Variants in CNTLN observed in about 807,000 individuals in gnomAD.
CNTLN encodes the protein centlein.
Under a neutral mutation model 180.0 loss-of-function variants are expected in CNTLN, and 212 were observed. The observed-to-expected ratio is 1.18, with a 90% CI of 1.05 to 1.32. CNTLN has a LOEUF of 1.32. CNTLN is among the 40% of genes most tolerant of loss of function. The pLI is 0.00. For missense variants in CNTLN, 2,095 were observed against 1,610.9 expected, an observed-to-expected ratio of 1.30 and a Z score of -5.14; for synonymous variants, 722 against 563.1, an observed-to-expected ratio of 1.28 and a Z score of -3.99.
At chr9:17,150,153 A>G (rs1336136001) in intron 2 of CNTLN, among the ~76,000 whole-genome samples, 1 of 152,146 alleles carries the variant, frequency 6.6e-6, no homozygotes, top group African/African-American at 2.4e-5. Context: ...TCTTTAGTTT[A>G]ATTAGATCCC....
At chr9:17,253,854 A>T (rs568246939) in intron 5 of CNTLN, among the ~76,000 whole-genome samples, 2 of 150,704 alleles carry the variant, frequency 1.3e-5, no homozygotes, top group East Asian at 3.9e-4. Flanking sequence ...TGTCTAGTTT[A>T]AATTATTATA....
intron 16 of CNTLN, 48 bp from the exon 17 acceptor site, chr9:17,415,740 T>A (rs370257774): frequency 2.0e-4 from 216 of 1,089,794 alleles, no homozygotes; most frequent in Non-Finnish European, 2.9e-4. Context: ...GTTCACTTGA[T>A]GTTGTTATTG....
At chr9:17,199,322 C>A (rs1822361973) in intron 2 of CNTLN, among the ~76,000 whole-genome samples, 1 of 150,948 alleles carries the variant, frequency 6.6e-6, no homozygotes, top group Admixed American at 6.6e-5. Context: ...AGCAATTCTC[C>A]TGCCTCAGCC....
At chr9:17,527,873 G>T in the CNTLN span, among the ~76,000 whole-genome samples, 1 of 151,908 alleles carries the variant, frequency 6.6e-6, no homozygotes, top group Non-Finnish European at 1.5e-5. Flanking sequence ...CATTGATGGG[G>T]GTGTGTCAAA....
chr9:17,527,890 C>T, the CNTLN span, among the ~76,000 whole-genome samples: 5 of 151,922 alleles, frequency 3.3e-5, no homozygotes, highest in Non-Finnish European at 7.4e-5. Flanking sequence ...CAAAGAGATA[C>T]AGGAGCCAGG....
chr9:17,394,414 A>G (rs1826332692), intron 14 of CNTLN, 120 bp from the exon 15 acceptor site: 1 of 814,636 alleles, frequency 1.2e-6, no homozygotes, highest in Non-Finnish European at 1.8e-6. Context: ...GAAATTAAGT[A>G]CTTTATATTT....
chr9:17,269,320 C>T (rs193141440), intron 5 of CNTLN, among the ~76,000 whole-genome samples: 1 of 151,660 alleles, frequency 6.6e-6, no homozygotes, highest in African/African-American at 2.4e-5. Flanking sequence ...TCAATTTGTT[C>T]TTCTTCTAAT....
At chr9:17,506,001 C>T (rs1048563454), downstream of CNTLN, among the ~76,000 whole-genome samples, 46 of 151,590 alleles carry the variant, frequency 3.0e-4, no homozygotes, top group African/African-American at 1.1e-3. Context: ...TGATTTGAGA[C>T]AAAGGTTCAA....
At chr9:17,245,138 C>T (rs1825723940) in intron 5 of CNTLN, among the ~76,000 whole-genome samples, 1 of 151,988 alleles carries the variant, frequency 6.6e-6, no homozygotes, top group African/African-American at 2.4e-5. Context: ...TGCCAGTGAG[C>T]TTTGTTCCTT....
intron 5 of CNTLN, among the ~76,000 whole-genome samples, chr9:17,244,611 T>C (rs375955482): frequency 1.3e-5 from 2 of 152,108 alleles, no homozygotes; most frequent in African/African-American, 4.8e-5. Flanking sequence ...TCCGCATTAT[T>C]AGTGAGTGTT....
At chr9:17,357,560 T>C (rs967304072) in intron 12 of CNTLN, among the ~76,000 whole-genome samples, 8 of 145,822 alleles carry the variant, frequency 5.5e-5, no homozygotes, top group African/African-American at 2.0e-4. Flanking sequence ...TTGGGTACCA[T>C]GTATATATAT....
chr9:17,273,439 G>A (rs911813799), intron 5 of CNTLN, among the ~76,000 whole-genome samples: 4 of 118,710 alleles, frequency 3.4e-5, no homozygotes, highest in Middle Eastern at 4.0e-3. Context: ...TTCAGCTAAT[G>A]TATTACTTTA....
intron 7 of CNTLN, among the ~76,000 whole-genome samples, chr9:17,306,863 T>G (rs1563980069): frequency 6.6e-6 from 1 of 152,184 alleles, no homozygotes; most frequent in Non-Finnish European, 1.5e-5. Context: ...AAATATTCAT[T>G]GAAAAAATGA....
intron 7 of CNTLN, chr9:17,298,959 A>C: frequency 1.0e-6 from 1 of 984,806 alleles, no homozygotes; most frequent in Non-Finnish European, 1.2e-6. Flanking sequence ...AAATACCTTT[A>C]TTGGCCGGGC....
Position 17,135,290 on chromosome 9 carries a change from T to C in CNTLN, c.225T>C (p.Ala75=). ...GAGGGCCTGGGGGGGCAGCTCCGGCTCATGCTCCCCTCCTCAGCGCGCCCA... is the reference window on the plus strand; with the variant it reads ...GAGGGCCTGGGGGGGCAGCTCCGGCCCATGCTCCCCTCCTCAGCGCGCCCA... ...GRRGPGGAAP[A]HAPLLSAPMG... is the part of the protein sequence containing the mutation. Residue 75 remains alanine, a synonymous_variant, in exon 1 of 26, where the codon GCT becomes GCC. Coordinates refer to ENST00000380647, the MANE Select transcript of CNTLN (RefSeq NM_017738.4). 1 of 1,600,212 alleles carries C rather than the reference T, an allele frequency of 6.2e-7. No individual in the cohort carries two copies. The highest frequency in any genetic ancestry group is 8.5e-7 in the Non-Finnish European group (1 of 1,174,270).
At chr9:17,383,196 A>T (rs10120761) in intron 13 of CNTLN, among the ~76,000 whole-genome samples, 123,963 of 152,034 alleles carry the variant, frequency 0.82, 51,025 homozygotes, top group Non-Finnish European at 0.87. Context: ...TTATACACAG[A>T]TTTTGGTTGC....
At chr9:17,456,240 C>T (rs1831106760) in intron 18 of CNTLN, among the ~76,000 whole-genome samples, 1 of 151,982 alleles carries the variant, frequency 6.6e-6, no homozygotes, top group African/African-American at 2.4e-5. Flanking sequence ...TAAGAGTTTA[C>T]TTTTAGATAT....
chr9:17,427,331 T>C (rs1829154114), intron 18 of CNTLN, among the ~76,000 whole-genome samples: 1 of 151,422 alleles, frequency 6.6e-6, no homozygotes, highest in Non-Finnish European at 1.5e-5. Context: ...AAAAGAATAC[T>C]TGATATCATA....
chr9:17,384,666 C>T (rs2133622051), intron 13 of CNTLN, among the ~76,000 whole-genome samples: 1 of 152,284 alleles, frequency 6.6e-6, no homozygotes, highest in African/African-American at 2.4e-5. Context: ...GCTGATCTGA[C>T]TTTATTTTGC....
Sources: gnomAD v4.1 joint callset for allele counts (sites outside exome capture counted in the v4.1 genomes callset) on GRCh38, gnomAD v4.1.1 for gene constraint, MANE v1.5 for transcripts, NCBI Gene and HGNC (gene_info 2026-07-23, HGNC 2026-07-21) for gene names.